The following MAGI3 variants were observed in gnomAD, a reference collection of about 807,000 sequenced individuals.
MAGI3 encodes the protein membrane-associated guanylate kinase, WW and PDZ domain-containing protein 3.
MAGI3 carries 43 observed loss-of-function variants against 121.8 expected under a neutral mutation model. That is an observed-to-expected ratio of 0.35 (90% CI 0.28 to 0.46). The LOEUF is 0.46. MAGI3 is among the 20% of genes least tolerant of loss of function. MAGI3 has a pLI of 1.00. For missense variants in MAGI3, 1,547 were observed against 1,797.3 expected (o/e 0.86, Z 2.52); for synonymous variants, 553 against 639.3 (o/e 0.86, Z 2.04).
intron 1 of MAGI3, among the ~76,000 whole-genome samples, chr1:113,432,252 T>C (rs368181927): frequency 1.3e-5 from 2 of 152,232 alleles, no homozygotes; most frequent in East Asian, 1.9e-4. Context: ...TATCATATTA[T>C]TGACCTTGTT....
chr1:113,450,447 G>T, intron 1 of MAGI3: 5 of 1,118,104 alleles, frequency 4.5e-6, no homozygotes, highest in Non-Finnish European at 6.8e-6. Flanking sequence ...GGTTATAGTA[G>T]TAGAGGGGGC....
Position 113,658,954 on chromosome 1 carries a change from C to G in MAGI3, c.2630-126C>G. 3.6e-6 allele frequency: 3 copies of G among 832,414 alleles called. No individual in the cohort carries two copies. Among genetic ancestry groups the G allele is most frequent in the Admixed American group, 2.4e-5 (1 of 41,294 alleles). The allele number at this position is 832,414 out of a possible 1,614,324, so 51.6% of individuals were successfully genotyped here. A position where few individuals can be genotyped will look rare whatever the true frequency, so the allele number is the denominator to read the frequency against. ...TTGGATGCGATGATGACGTGTGGTA[C>G]TTTTCTGTTATGTTTTTAAATAATT... On this transcript the variant is annotated intron_variant, in intron 15 of 20. Coordinates refer to ENST00000307546, the MANE Select transcript of MAGI3 (RefSeq NM_001142782.2). This position sits in a 1 kb window ranked among gnomAD's most constrained non-coding sequence, Gnocchi z 4.0.
At chr1:113,435,559 G>A (rs1414417632) in intron 1 of MAGI3, among the ~76,000 whole-genome samples, 1 of 152,074 alleles carries the variant, frequency 6.6e-6, no homozygotes. Context: ...AATATGTTAT[G>A]TCATAGTCAC....
Position 113,683,640 on chromosome 1 carries a change from A to T in MAGI3, c.4072A>T (p.Ile1358Phe), listed in dbSNP as rs776450515. Residue 1358 changes from isoleucine (I) to phenylalanine (F), a missense_variant, in exon 21 of 21, where the codon ATC becomes TTC. Physicochemically the swap from Ile to Phe is conservative, Grantham distance 21 (BLOSUM62 0). Coordinates refer to ENST00000307546, the MANE Select transcript of MAGI3 (RefSeq NM_001142782.2). ...CAGAACAAGGTCTCCAGAGAAAAAA[A>T]TCAAAAGAATGGTTGAGAAATCTCT... ...KSRTRSPEKK[I>F]KRMVEKSLPS... The T allele has an allele frequency of 9.3e-6, 15 of 1,612,812 alleles. No individual in the cohort carries two copies. Among genetic ancestry groups the T allele is most frequent in the African/African-American group, 1.3e-5 (1 of 74,950 alleles).
At chr1:113,622,677 C>A (rs1650900189) in intron 8 of MAGI3, 129 bp from the exon 9 acceptor site, 1 of 733,088 alleles carries the variant, frequency 1.4e-6, no homozygotes, top group Non-Finnish European at 2.1e-6. Context: ...TGAAAGTAAG[C>A]ACAGACAAGG....
chr1:113,587,191 G>A (rs1390562268), intron 4 of MAGI3, among the ~76,000 whole-genome samples: 2 of 95,780 alleles, frequency 2.1e-5, no homozygotes, highest in Non-Finnish European at 4.4e-5. Context: ...GTTGTTTTTT[G>A]TTTATTTGTT....
At chr1:113,557,801 C>T (rs111575311) in intron 2 of MAGI3, among the ~76,000 whole-genome samples, 23 of 152,302 alleles carry the variant, frequency 1.5e-4, no homozygotes, top group Non-Finnish European at 3.1e-4. Flanking sequence ...CCTACAGGTA[C>T]GTTCGGGCTG....
Position 113,413,746 on chromosome 1 carries a change from C to T in MAGI3, c.316+22397C>T, listed in dbSNP as rs950326378. On this transcript the variant is annotated intron_variant, in intron 1 of 20. Coordinates refer to ENST00000307546, the MANE Select transcript of MAGI3 (RefSeq NM_001142782.2). ...TTGATTTTGTATCCTGCGACTTTGC[C>T]GAGGTTGCTTATCAGCTTAAGGAGA... 3.9e-5 allele frequency among the ~76,000 whole-genome samples: 6 copies of T among 151,932 alleles called. No individual in the cohort carries two copies. The South Asian group carries it at 1.0e-3, about 26-fold the overall frequency.
intron 1 of MAGI3, among the ~76,000 whole-genome samples, chr1:113,439,768 G>T (rs1653820571): frequency 6.6e-6 from 1 of 152,132 alleles, no homozygotes; most frequent in African/African-American, 2.4e-5. Flanking sequence ...AATAAATTTT[G>T]TAAGAACATA....
chr1:113,530,766 A>G (rs1485930984), intron 1 of MAGI3, among the ~76,000 whole-genome samples: 4 of 152,080 alleles, frequency 2.6e-5, no homozygotes, highest in African/African-American at 4.8e-5. Flanking sequence ...AAAAAAATAC[A>G]AAAATAAGCC....
intron 16 of MAGI3, among the ~76,000 whole-genome samples, chr1:113,660,771 T>TAA (rs1197348422): frequency 6.7e-6 from 1 of 148,450 alleles, no homozygotes; most frequent in African/African-American, 2.5e-5. Flanking sequence ...TTTTAATTTT[T>TAA]TTTTTTTTTT....
rs1367730825 is a variant in MAGI3, at chr1:113,463,005, A to G, written c.316+71656A>G. Among the ~76,000 whole-genome samples, 3 of 152,146 alleles carry G rather than the reference A, an allele frequency of 2.0e-5. No individual in the cohort carries two copies. The East Asian group carries it at 5.8e-4, about 29-fold the overall frequency. On this transcript the variant is annotated intron_variant, in intron 1 of 20. Coordinates refer to ENST00000307546, the MANE Select transcript of MAGI3 (RefSeq NM_001142782.2). ...TTGCAAGACAAAATGAGTGTGTTTT[A>G]AAAACAAGTAAGAGTTCTGTTTGCT...
chr1:113,560,611 T>G (rs1005353552), intron 2 of MAGI3, among the ~76,000 whole-genome samples: 1 of 152,058 alleles, frequency 6.6e-6, no homozygotes, highest in African/African-American at 2.4e-5. Flanking sequence ...GAGATACAGC[T>G]AAAGCAGTGT....
Position 113,671,715 on chromosome 1 carries a change from T to C in MAGI3, c.2816-19T>C, listed in dbSNP as rs371628669. ...TTTATGTACAAATTCTTATTTCTAT[T>C]GTTTTCTCATTTGAACAGAGCATCA... On this transcript the variant is annotated intron_variant, in intron 16 of 20. Coordinates refer to ENST00000307546, the MANE Select transcript of MAGI3 (RefSeq NM_001142782.2). The C allele has an allele frequency of 1.2e-6, 2 of 1,611,416 alleles. No individual in the cohort carries two copies. The highest frequency in any genetic ancestry group is 1.3e-5 in the African/African-American group (1 of 74,992).
At chr1:113,415,581 T>G (rs924754932) in intron 1 of MAGI3, among the ~76,000 whole-genome samples, 17 of 152,030 alleles carry the variant, frequency 1.1e-4, no homozygotes, top group Non-Finnish European at 8.8e-5. Context: ...AGCATCACTT[T>G]TGTTTAGTCG....
rs2101789185 is a variant in MAGI3, at chr1:113,622,904, A to G, written c.1270A>G (p.Ile424Val). 2.5e-6 allele frequency: 4 copies of G among 1,600,866 alleles called. No individual in the cohort carries two copies. The highest frequency in any genetic ancestry group is 2.3e-5 in the South Asian group (2 of 88,012). Residue 424 changes from isoleucine to valine, a missense_variant, in exon 9 of 21, where the codon ATT becomes GTT. Coordinates refer to ENST00000307546, the MANE Select transcript of MAGI3 (RefSeq NM_001142782.2). ...KKSTMGFGFT[I>V]IGGDRPDEFL... ...AAGCACAATGGGATTTGGTTTTACT[A>G]TTATTGGTGGAGATAGACCTGATGA...
chr1:113,426,043 A>C (rs1052485487), intron 1 of MAGI3, among the ~76,000 whole-genome samples: 1 of 152,178 alleles, frequency 6.6e-6, no homozygotes, highest in Non-Finnish European at 1.5e-5. Context: ...TTAATGCTAT[A>C]AATTTTCCTG....
At chr1:113,641,869 T>C in intron 9 of MAGI3, 42 bp from the exon 10 acceptor site, 1 of 1,508,740 alleles carries the variant, frequency 6.6e-7, no homozygotes, top group South Asian at 1.4e-5. Context: ...AATTAACTTA[T>C]TTGTTGATTT....
chr1:113,571,110 T>C (rs1175939770), intron 2 of MAGI3, among the ~76,000 whole-genome samples: 1 of 152,248 alleles, frequency 6.6e-6, no homozygotes, highest in Non-Finnish European at 1.5e-5. Context: ...TTTCTGCATA[T>C]GGCTAGCCAG....
Sources: allele counts gnomAD v4.1 joint callset (sites outside exome capture counted in the v4.1 genomes callset), GRCh38; gene constraint gnomAD v4.1.1; non-coding constraint Gnocchi (gnomAD v3.1); transcripts MANE v1.5; gene names NCBI Gene and HGNC (gene_info 2026-07-23, HGNC 2026-07-21).